DHX30: variants seen among roughly 807,000 people sequenced by gnomAD.
DHX30 encodes the protein ATP-dependent RNA helicase DHX30.
In DHX30, 4 loss-of-function variants were observed where a neutral mutation model predicts 116.9. The ratio of observed to expected loss-of-function variants is 0.03; its 90% CI spans 0.02 to 0.08. The LOEUF is 0.08. Ranked by LOEUF, DHX30 falls within the 10% of genes least tolerant of loss-of-function variation. DHX30 has a pLI of 1.00. For missense variants in DHX30, 871 were observed against 1,595.1 expected (o/e 0.55, Z 7.73); for synonymous variants, 697 against 651.7 (o/e 1.07, Z -1.06).
chr3:47,846,927 A>G lies in DHX30; in HGVS notation c.1855A>G (p.Lys619Glu). 2 of 1,613,596 alleles carry G rather than the reference A, an allele frequency of 1.2e-6. No individual in the cohort carries two copies. Among genetic ancestry groups the G allele is most frequent in the South Asian group, 2.2e-5 (2 of 91,084 alleles). ...GGTGCCTGGCTTCATGTACCCAGTCAAGGAGCACTACCTAGAGGACATCCT... is the reference window on the plus strand; with the variant it reads ...GGTGCCTGGCTTCATGTACCCAGTCGAGGAGCACTACCTAGAGGACATCCT... ...IKVPGFMYPV[K>E]EHYLEDILAK... Residue 619 changes from lysine (K) to glutamate (E), a missense_variant, in exon 11 of 22, where the codon AAG (lysine) becomes GAG (glutamate). Around this residue, in one of 13 missense-constraint regions of DHX30, gnomAD observed 61 missense variants for 106.7 expected, o/e 0.57. Coordinates refer to ENST00000445061, the MANE Select transcript of DHX30 (RefSeq NM_138615.3).
chr3:47,824,930 G>A (rs2036475286), intron 4 of DHX30: 1 of 488,102 alleles, frequency 2.0e-6, no homozygotes, highest in African/African-American at 2.1e-5. Flanking sequence ...CCTAGGCTTG[G>A]GCTTCGGGTC....
chr3:47,838,105 CA>C (rs2037205813), intron 6 of DHX30, among the ~76,000 whole-genome samples: 1 of 152,160 alleles, frequency 6.6e-6, no homozygotes, highest in Admixed American at 6.5e-5. Flanking sequence ...TCTGTGGAAC[CA>C]GAGGCATTCT....
Position 47,847,291 on chromosome 3 carries a change from C to G in DHX30, c.1948C>G (p.Leu650Val), listed in dbSNP as rs144500734. Residue 650 changes from leucine (L) to valine (V), a missense_variant, in exon 12 of 22, where the codon CTC becomes GTC. Leu to Val is a conservative substitution (Grantham distance 32). Around this residue, in one of 13 missense-constraint regions of DHX30, gnomAD observed 61 missense variants for 106.7 expected, o/e 0.57. Coordinates refer to ENST00000445061, the MANE Select transcript of DHX30 (RefSeq NM_138615.3). The surrounding 1 kb of genome is among the most constrained non-coding windows in gnomAD (Gnocchi z 5.5). ...RHHESEDECA[L>V]DLDLVTDLVL... is the part of the protein sequence containing the mutation. ...ACCCCAGTCTGAGGATGAATGCGCA[C>G]TCGATTTGGACCTTGTGACTGATCT... 19 of 1,614,138 alleles carry G rather than the reference C, an allele frequency of 1.2e-5. No individual in the cohort carries two copies. The highest frequency in any genetic ancestry group is 1.3e-5 in the Non-Finnish European group (15 of 1,180,054).
intron 3 of DHX30, chr3:47,815,997 AG>A: frequency 1.0e-6 from 1 of 984,532 alleles, no homozygotes. Context: ...CTCCTTAAAC[AG>A]GAATGGAGAG....
chr3:47,812,569 AAAG>A (rs1342157328), intron 3 of DHX30, among the ~76,000 whole-genome samples: 1 of 151,990 alleles, frequency 6.6e-6, no homozygotes, highest in Admixed American at 6.6e-5. Context: ...AAAAAAAAAA[AAAG>A]ATTTCATGAG....
At chr3:47,840,151 C>T (rs930541527) in intron 6 of DHX30, among the ~76,000 whole-genome samples, 1 of 151,628 alleles carries the variant, frequency 6.6e-6, no homozygotes, top group Admixed American at 6.6e-5. Flanking sequence ...CACTCGCCAC[C>T]ACGCCTGGCT....
chr3:47,848,835 CCTGGAGCCGTCCACCCACTG>C lies in DHX30; in HGVS notation c.2769+22_2769+41del. 6.2e-7 allele frequency: 1 copy of C among 1,603,008 alleles called. No individual in the cohort carries two copies. The highest frequency in any genetic ancestry group is 8.5e-7 in the Non-Finnish European group (1 of 1,170,896). ...TGGACAAGGTCAGTCCTGGCTCCTT[CCTGGAGCCGTCCACCCACTG>C]CTGTTCTGAGGGGGCGTTGTCTAGC... On this transcript the variant is annotated intron_variant, in intron 17 of 21. Transcript: ENST00000445061. This position sits in a 1 kb window ranked among gnomAD's most constrained non-coding sequence, Gnocchi z 9.4.
chr3:47,841,542 C>T, intron 7 of DHX30, 75 bp from the exon 8 acceptor site: 1 of 1,601,958 alleles, frequency 6.2e-7, no homozygotes. Flanking sequence ...GCGTCCTCAC[C>T]CCTACATCGC....
chr3:47,804,543 G>A (rs2035436218), intron 1 of DHX30, among the ~76,000 whole-genome samples: 1 of 152,156 alleles, frequency 6.6e-6, no homozygotes, highest in African/African-American at 2.4e-5. Flanking sequence ...CAACAAGAGC[G>A]AAACTCCTTC....
chr3:47,809,555 T>A (rs1320459430), intron 2 of DHX30, among the ~76,000 whole-genome samples: 1 of 152,128 alleles, frequency 6.6e-6, no homozygotes, highest in East Asian at 1.9e-4. Flanking sequence ...GAATGTAACT[T>A]CTTAAAGTAA....
In DHX30 at chr3:47,847,985, C is replaced by G. The variant is rs2037692699; in HGVS notation, c.2286+29C>G. ...GCACCTACCTCCTGGGCCCGGCCAA[C>G]CACTGGGGGAGGGACTCCGTTTTGA... is the stretch of plus-strand genomic sequence containing the variant. On this transcript the variant is annotated intron_variant, in intron 14 of 21. Transcript: ENST00000445061. The surrounding 1 kb of genome is among the most constrained non-coding windows in gnomAD (Gnocchi z 5.5). 2 of 1,610,194 alleles carry G rather than the reference C, an allele frequency of 1.2e-6. No individual in the cohort carries two copies. Among genetic ancestry groups the G allele is most frequent in the Non-Finnish European group, 1.7e-6 (2 of 1,176,884 alleles).
intron 3 of DHX30, chr3:47,816,958 A>C (rs1242076434): frequency 6.1e-6 from 6 of 984,756 alleles, no homozygotes; most frequent in Non-Finnish European, 6.0e-6. Flanking sequence ...TTTCCTGCTG[A>C]AGATTATAAT....
In DHX30 at chr3:47,848,575, G is replaced by C. The variant is rs987372112; in HGVS notation, c.2575+25G>C. On this transcript the variant is annotated intron_variant, in intron 16 of 21. Coordinates refer to ENST00000445061, the MANE Select transcript of DHX30 (RefSeq NM_138615.3). This position sits in a 1 kb window ranked among gnomAD's most constrained non-coding sequence, Gnocchi z 9.4. Reference sequence around the variant, plus strand: ...GGTATGTAGGGGCTGGGCTGGGCTGGGCTGGGGAGTGGCTCTCGAGGGTGG... The same window carrying C: ...GGTATGTAGGGGCTGGGCTGGGCTGCGCTGGGGAGTGGCTCTCGAGGGTGG... The C allele has an allele frequency of 2.5e-6, 4 of 1,613,918 alleles. No individual in the cohort carries two copies. Among genetic ancestry groups the C allele is most frequent in the Non-Finnish European group, 3.4e-6 (4 of 1,179,988 alleles).
At chr3:47,816,286 A>G (rs2036048077) in intron 3 of DHX30, 1 of 985,230 alleles carries the variant, frequency 1.0e-6, no homozygotes, top group Non-Finnish European at 1.2e-6. Context: ...GTGCTTGGGA[A>G]GATGCTTTGG....
At chr3:47,832,149 G>A (rs766100269) in intron 6 of DHX30, among the ~76,000 whole-genome samples, 4 of 150,160 alleles carry the variant, frequency 2.7e-5, no homozygotes, top group African/African-American at 7.4e-5. Context: ...GGGCTGAAGC[G>A]ATCCTTCTGC....
chr3:47,836,621 C>T (rs548296262), intron 6 of DHX30, among the ~76,000 whole-genome samples: 128 of 150,222 alleles, frequency 8.5e-4, no homozygotes, highest in African/African-American at 3.0e-3. Flanking sequence ...TGGGTTTAAG[C>T]GATTCTCCTG....
chr3:47,819,176 A>G, intron 4 of DHX30: 2 of 1,356,132 alleles, frequency 1.5e-6, no homozygotes, highest in Non-Finnish European at 2.0e-6. Flanking sequence ...TACCGTTACC[A>G]AAACAAGAGT....
intron 3 of DHX30, among the ~76,000 whole-genome samples, chr3:47,811,685 G>A (rs1035621848): frequency 1.3e-5 from 2 of 152,148 alleles, no homozygotes; most frequent in African/African-American, 4.8e-5. Context: ...CTTTCACTCA[G>A]GGGCAGAAGG....
At chr3:47,816,774 A>C (rs1379699853) in intron 3 of DHX30, 1 of 985,224 alleles carries the variant, frequency 1.0e-6, no homozygotes, top group Non-Finnish European at 1.2e-6. Context: ...GTGGGGGAGG[A>C]GGGTTGGAGT....
Sources: gnomAD v4.1 joint callset for allele counts (sites outside exome capture counted in the v4.1 genomes callset) on GRCh38, gnomAD v4.1.1 for gene constraint, gnomAD v4.1.1 regional missense constraint, Gnocchi (gnomAD v3.1) non-coding constraint, MANE v1.5 for transcripts, NCBI Gene and HGNC (gene_info 2026-07-23, HGNC 2026-07-21) for gene names.